ULK4: variants seen among roughly 807,000 people sequenced by gnomAD.
ULK4 encodes unc-51 like kinase 4.
Under a neutral mutation model 160.6 loss-of-function variants are expected in ULK4, and 133 were observed. The observed-to-expected ratio is 0.83, with a 90% CI of 0.72 to 0.96. The LOEUF is 0.96. Ranked by LOEUF, ULK4 falls within the 40% of genes least tolerant of loss-of-function variation. The pLI is 0.00. For synonymous variants in ULK4, 534 were observed against 539.8 expected (o/e 0.99, Z 0.15); for missense variants, 1,580 against 1,499.5 (o/e 1.05, Z -0.89).
At chr3:41,959,517 A>G (rs978480925) in intron 1 of ULK4, among the ~76,000 whole-genome samples, 10 of 151,416 alleles carry the variant, frequency 6.6e-5, no homozygotes, top group Non-Finnish European at 8.8e-5. Context: ...AAGAGACTCC[A>G]TATCAAAAAA....
intron 30 of ULK4, among the ~76,000 whole-genome samples, chr3:41,643,224 T>C (rs1046574367): frequency 6.6e-6 from 1 of 152,160 alleles, no homozygotes; most frequent in Non-Finnish European, 1.5e-5. Flanking sequence ...TTTTGGCTTT[T>C]GTTGCCATTG....
intron 17 of ULK4, among the ~76,000 whole-genome samples, chr3:41,879,972 T>C (rs532451070): frequency 6.6e-6 from 1 of 151,968 alleles, no homozygotes; most frequent in East Asian, 1.9e-4. Flanking sequence ...CAAAATAAAT[T>C]AGCTGGGCGT....
intron 4 of ULK4, among the ~76,000 whole-genome samples, chr3:41,934,963 A>G (rs144013518): frequency 6.6e-6 from 1 of 152,004 alleles, no homozygotes; most frequent in Non-Finnish European, 1.5e-5. Context: ...TTCACATTCA[A>G]AAAGCAACTT....
intron 34 of ULK4, among the ~76,000 whole-genome samples, 182 bp from the exon 35 acceptor site, chr3:41,398,446 T>C (rs529092314): frequency 1.3e-5 from 2 of 151,568 alleles, no homozygotes; most frequent in African/African-American, 4.8e-5. Context: ...TGCAGTGGTA[T>C]GATCACAACT....
intron 35 of ULK4, among the ~76,000 whole-genome samples, chr3:41,311,027 AG>A (rs1455904020): frequency 6.7e-6 from 1 of 150,348 alleles, no homozygotes; most frequent in African/African-American, 2.5e-5. Context: ...AATAAATAAA[AG>A]GAAAGAAGGA....
At chr3:41,267,774 G>A (rs930241771) in intron 35 of ULK4, among the ~76,000 whole-genome samples, 5 of 152,156 alleles carry the variant, frequency 3.3e-5, no homozygotes, top group Admixed American at 6.5e-5. Flanking sequence ...TGCTACTCTC[G>A]TTTACAGATG....
At chr3:41,531,251 C>T (rs1017486960) in intron 32 of ULK4, among the ~76,000 whole-genome samples, 3 of 150,844 alleles carry the variant, frequency 2.0e-5, no homozygotes, top group African/African-American at 7.3e-5. Flanking sequence ...ACTATCCTGG[C>T]TAACATGGTG....
chr3:41,328,694 A>G (rs189272938), intron 35 of ULK4, among the ~76,000 whole-genome samples: 3 of 152,242 alleles, frequency 2.0e-5, no homozygotes, highest in Admixed American at 2.0e-4. Flanking sequence ...TTGTTTAAAT[A>G]GAAAGTGGAC....
chr3:41,868,599 T>G (rs1010337162), intron 17 of ULK4, among the ~76,000 whole-genome samples: 1 of 152,204 alleles, frequency 6.6e-6, no homozygotes, highest in Non-Finnish European at 1.5e-5. Flanking sequence ...GCCATTCTCC[T>G]GCCTCAGCCT....
chr3:41,924,461 T>C (rs1162547316), intron 5 of ULK4, among the ~76,000 whole-genome samples: 1 of 152,174 alleles, frequency 6.6e-6, no homozygotes, highest in African/African-American at 2.4e-5. Context: ...ATAGAGACTG[T>C]TCTTAGATTA....
intron 31 of ULK4, among the ~76,000 whole-genome samples, chr3:41,597,776 T>C (rs1256468357): frequency 2.0e-5 from 3 of 152,180 alleles, no homozygotes; most frequent in Admixed American, 2.0e-4. Flanking sequence ...AAAAAAGAGA[T>C]ATGCTTCTCA....
At position 41,296,770 on chromosome 3, in the gene ULK4, G is replaced by A. The variant is rs901694380; in HGVS notation, c.3679-47196C>T. Among the ~76,000 whole-genome samples the A allele has an allele frequency of 2.4e-4, 36 of 152,050 alleles. 2 individuals are homozygous for A. Among genetic ancestry groups the A allele is most frequent in the Non-Finnish European group, 4.4e-5 (3 of 68,018 alleles). ...GTGAGGGGGTCAATGGCAGACTGCAGAAGGCCTTGAGTCCAGAGGACATCC... is the reference window on the plus strand; with the variant it reads ...GTGAGGGGGTCAATGGCAGACTGCAAAAGGCCTTGAGTCCAGAGGACATCC... On this transcript the variant is annotated intron_variant, in intron 35 of 36. Coordinates refer to ENST00000301831, the MANE Select transcript of ULK4 (RefSeq NM_017886.4).
rs182246912 is a variant in ULK4 at position 41,695,631 on chromosome 3, T to C, written c.2781+9426A>G. Among the ~76,000 whole-genome samples the C allele has an allele frequency of 2.7e-4, 41 of 152,196 alleles. No individual in the cohort carries two copies. In the East Asian group the frequency reaches 7.7e-3, roughly 29 times the overall value. ...GAAGTCATTGATAAAAACAGGAATC[T>C]GTGGTAGACTGAATGATGCCCGCCC... On this transcript the variant is annotated intron_variant, in intron 27 of 36. Transcript: ENST00000301831.
At chr3:41,376,497 CCTT>C (rs951110395) in intron 35 of ULK4, among the ~76,000 whole-genome samples, 2 of 149,986 alleles carry the variant, frequency 1.3e-5, no homozygotes, top group Non-Finnish European at 2.9e-5. Context: ...CCCAAAATCT[CCTT>C]AAGCTGATAA....
chr3:41,481,618 G>A (rs1220180312), intron 32 of ULK4, among the ~76,000 whole-genome samples: 1 of 151,862 alleles, frequency 6.6e-6, no homozygotes, highest in Admixed American at 6.6e-5. Context: ...ACGAGGTCAG[G>A]AGATCGAGAC....
intron 35 of ULK4, among the ~76,000 whole-genome samples, chr3:41,395,649 T>A (rs1000211644): frequency 2.0e-5 from 3 of 152,148 alleles, no homozygotes; most frequent in African/African-American, 7.2e-5. Flanking sequence ...TATTGTTTAA[T>A]AGGCACAGAG....
intron 35 of ULK4, among the ~76,000 whole-genome samples, chr3:41,391,208 T>C (rs1449196047): frequency 2.6e-5 from 4 of 152,136 alleles, no homozygotes; most frequent in Non-Finnish European, 5.9e-5. Context: ...AGAATGCTTA[T>C]CCAGTGGAAC....
At chr3:41,755,649 C>A (rs886189634) in intron 21 of ULK4, among the ~76,000 whole-genome samples, 1 of 152,130 alleles carries the variant, frequency 6.6e-6, no homozygotes, top group African/African-American at 2.4e-5. Flanking sequence ...AACATATACA[C>A]ACATAATTCC....
rs149344169 is a variant in ULK4 at position 41,347,329 on chromosome 3, A to G, written c.3678+50750T>C. 3.5e-3 allele frequency among the ~76,000 whole-genome samples: 533 copies of G among 152,316 alleles called. 11 individuals carry two copies. Among genetic ancestry groups the G allele is most frequent in the African/African-American group, 0.011 (458 of 41,572 alleles). ...TTTGGAAAAAAATCATAAAATAAAGAATTATTTTGTTGGAAATTAACTTCA... is the reference window on the plus strand; with the variant it reads ...TTTGGAAAAAAATCATAAAATAAAGGATTATTTTGTTGGAAATTAACTTCA... On this transcript the variant is annotated intron_variant, in intron 35 of 36. Coordinates refer to ENST00000301831, the MANE Select transcript of ULK4 (RefSeq NM_017886.4).
Sources: gnomAD v4.1 joint callset for allele counts (sites outside exome capture counted in the v4.1 genomes callset) on GRCh38, gnomAD v4.1.1 for gene constraint, MANE v1.5 for transcripts, NCBI Gene and HGNC (gene_info 2026-07-23, HGNC 2026-07-21) for gene names.